HOXD13: variants seen among roughly 807,000 people sequenced by gnomAD.
HOXD13 encodes the protein homeobox protein Hox-D13.
A neutral mutation model predicts 27.3 loss-of-function variants in HOXD13; 16 were observed. That is an observed-to-expected ratio of 0.59 (90% CI 0.40 to 0.89). HOXD13 has a LOEUF of 0.89. HOXD13 is among the 40% of genes least tolerant of loss of function. HOXD13 has a pLI of 0.00. For synonymous variants in HOXD13, 241 were observed against 219.0 expected, an observed-to-expected ratio of 1.10 and a Z score of -0.89; for missense variants, 481 against 482.6, an observed-to-expected ratio of 1.00 and a Z score of 0.03.
chr2:176,088,296 C>T (rs1161959442), upstream of HOXD13, among the ~76,000 whole-genome samples: 1 of 152,250 alleles, frequency 6.6e-6, no homozygotes, highest in African/African-American at 2.4e-5. Flanking sequence ...TCTGTCCCTT[C>T]CGGGTCTCTC....
chr2:176,092,965 T>TTCCTCC lies in HOXD13; in HGVS notation c.81_86dup (p.Ser29_Ser30dup). ...GGGGCGCCGGTGGCGCCCCGGCCTCTTCCTCCTCCTCATCGGTGGCGGCGG... is the reference window on the plus strand; with the variant it reads ...GGGGCGCCGGTGGCGCCCCGGCCTCTTCCTCCTCCTCCTCCTCATCGGTGGCGGCGG... On this transcript the variant is annotated inframe_insertion, in exon 1 of 2. Coordinates refer to ENST00000392539, the MANE Select transcript of HOXD13 (RefSeq NM_000523.4). 1 of 1,340,484 alleles carries TTCCTCC rather than the reference T, an allele frequency of 7.5e-7. No individual in the cohort carries two copies. The highest frequency in any genetic ancestry group is 9.5e-7 in the Non-Finnish European group (1 of 1,049,104). The allele number at this position is 1,340,484 out of a possible 1,614,324, so 83.0% of individuals were successfully genotyped here. A position where few individuals can be genotyped will look rare whatever the true frequency, so the allele number is the denominator to read the frequency against.
intron 1 of HOXD13, among the ~76,000 whole-genome samples, 194 bp downstream of exon 1, chr2:176,093,865 C>A (rs767977312): frequency 3.9e-5 from 6 of 152,202 alleles, no homozygotes; most frequent in Non-Finnish European, 8.8e-5. Flanking sequence ...TCAACTGCCT[C>A]CGTCACTGCC....
upstream of HOXD13, among the ~76,000 whole-genome samples, chr2:176,092,080 A>T (rs1404849713): frequency 2.6e-5 from 4 of 152,124 alleles, no homozygotes; most frequent in Admixed American, 6.5e-5. Context: ...GCCAGCCCCA[A>T]GGGCGCTTCA....
chr2:176,088,960 G>A (rs925383996), upstream of HOXD13, among the ~76,000 whole-genome samples: 2 of 152,236 alleles, frequency 1.3e-5, no homozygotes, highest in African/African-American at 2.4e-5. Context: ...GGCTGGAGAA[G>A]TTCTCTCCAT....
upstream of HOXD13, among the ~76,000 whole-genome samples, chr2:176,089,337 C>A (rs572724114): frequency 6.6e-6 from 1 of 152,334 alleles, no homozygotes; most frequent in Admixed American, 6.5e-5. Flanking sequence ...GCCACTTCTG[C>A]TAGACTTAAG....
At position 176,093,124 on chromosome 2, in the gene HOXD13, G is replaced by T; in HGVS notation, c.234G>T (p.Gly78=). The change falls in exon 1 of 2, where the codon GGG becomes GGT. Residue 78 remains glycine, a synonymous_variant. Transcript: ENST00000392539. ...AAAASGFAYP[G]TSERTGSSSS... ...CAGCCTCCGGCTTTGCGTACCCCGG[G>T]ACCTCTGAGCGCACGGGCTCTTCCT... 6.2e-7 allele frequency: 1 copy of T among 1,602,438 alleles called. No individual in the cohort carries two copies.
At chr2:176,090,496 C>T (rs549053300), upstream of HOXD13, among the ~76,000 whole-genome samples, 1 of 152,184 alleles carries the variant, frequency 6.6e-6, no homozygotes, top group Non-Finnish European at 1.5e-5. Flanking sequence ...TTGAAATCAA[C>T]AAAACTTGAC....
upstream of HOXD13, among the ~76,000 whole-genome samples, chr2:176,091,145 A>G (rs1235275545): frequency 6.6e-6 from 1 of 152,102 alleles, no homozygotes; most frequent in Admixed American, 6.5e-5. Flanking sequence ...AACACTCCTA[A>G]CACCAGCAGC....
upstream of HOXD13, among the ~76,000 whole-genome samples, chr2:176,089,930 C>T (rs1009193020): frequency 6.6e-6 from 1 of 152,254 alleles, no homozygotes; most frequent in African/African-American, 2.4e-5. Flanking sequence ...CACACAAACA[C>T]AAGGCTTGGT....
chr2:176,088,670 GTA>G (rs1689278819), upstream of HOXD13, among the ~76,000 whole-genome samples: 2 of 152,194 alleles, frequency 1.3e-5, no homozygotes, highest in African/African-American at 4.8e-5. Flanking sequence ...AGATAGGTAG[GTA>G]GACAGACATT....
At position 176,093,589 on chromosome 2, in the gene HOXD13, G is replaced by T; in HGVS notation, c.699G>T (p.Thr233=). 1.2e-6 allele frequency: 2 copies of T among 1,613,788 alleles called. No individual in the cohort carries two copies. The highest frequency in any genetic ancestry group is 1.7e-6 in the Non-Finnish European group (2 of 1,179,970). ...YISMEGYQSW[T]LANGWNSQVY... is the part of the protein sequence containing the mutation. ...CCATGGAGGGGTACCAGTCCTGGAC[G>T]CTGGCTAACGGGTGGAACAGCCAGG... Residue 233 remains threonine, a synonymous_variant, in exon 1 of 2, where the codon ACG becomes ACT. Transcript: ENST00000392539.
chr2:176,088,648 T>A, upstream of HOXD13, among the ~76,000 whole-genome samples: 1 of 152,188 alleles, frequency 6.6e-6, no homozygotes, highest in Non-Finnish European at 1.5e-5. Flanking sequence ...GACAATGGAC[T>A]CTGCGGAATG....
chr2:176,088,516 C>T (rs903857485), upstream of HOXD13, among the ~76,000 whole-genome samples: 1 of 152,070 alleles, frequency 6.6e-6, no homozygotes, highest in Non-Finnish European at 1.5e-5. Flanking sequence ...GCCGCCGGGC[C>T]GGGAAGTGGA....
In HOXD13 at chr2:176,093,361, C is replaced by CT. The variant is rs1416882140; in HGVS notation, c.472dup (p.Ser158PhefsTer79). On this transcript the variant is annotated frameshift_variant, in exon 1 of 2. Transcript: ENST00000392539. LOFTEE classifies it high-confidence loss of function. ...ATGCGCTCAAGTCATCGCCGCACGC[C>CT]TCGCTGGGAGGCTTTCCCGTGGAGA... 1 of 1,613,862 alleles carries CT rather than the reference C, an allele frequency of 6.2e-7. No homozygotes were observed. The highest frequency in any genetic ancestry group is 8.5e-7 in the Non-Finnish European group (1 of 1,180,040).
chr2:176,095,055 C>T lies in HOXD13; in HGVS notation c.*325C>T, dbSNP rs1037382814. 8.0e-6 allele frequency: 3 copies of T among 375,742 alleles called. No individual in the cohort carries two copies. The highest frequency in any genetic ancestry group is 1.5e-5 in the Non-Finnish European group (3 of 204,170). The allele number at this position is 375,742 out of a possible 1,614,324, so 23.3% of individuals were successfully genotyped here. A position where few individuals can be genotyped will look rare whatever the true frequency, so the allele number is the denominator to read the frequency against. ...TTTTAATAATCCGCCCCCCAATGAA[C>T]TTCAGAAGTGCCATTCTGATTTAAG... is the stretch of plus-strand genomic sequence containing the variant. On this transcript the variant is annotated 3_prime_UTR_variant, in exon 2 of 2. Transcript: ENST00000392539.
At chr2:176,088,590 C>G (rs778579041), upstream of HOXD13, among the ~76,000 whole-genome samples, 1 of 152,224 alleles carries the variant, frequency 6.6e-6, no homozygotes, top group Non-Finnish European at 1.5e-5. Context: ...CTTTCCTCAC[C>G]TTCATCCCTT....
At position 176,095,071 on chromosome 2, in the gene HOXD13, C is replaced by A. The variant is rs1163709563; in HGVS notation, c.*341C>A. The A allele has an allele frequency of 1.9e-5, 7 of 366,068 alleles. No individual in the cohort carries two copies. The highest frequency in any genetic ancestry group is 4.5e-5 in the Admixed American group (1 of 22,232). The allele number at this position is 366,068 out of a possible 1,614,324, so 22.7% of individuals were successfully genotyped here. A position where few individuals can be genotyped will look rare whatever the true frequency, so the allele number is the denominator to read the frequency against. On this transcript the variant is annotated 3_prime_UTR_variant, in exon 2 of 2. Transcript: ENST00000392539. ...CCCAATGAACTTCAGAAGTGCCATTCTGATTTAAGGGTTTTTTTAAAAAAT... is the reference window on the plus strand; with the variant it reads ...CCCAATGAACTTCAGAAGTGCCATTATGATTTAAGGGTTTTTTTAAAAAAT...
In HOXD13 at chr2:176,093,273, G is replaced by A. The variant is rs1248811842; in HGVS notation, c.383G>A (p.Gly128Asp). The A allele has an allele frequency of 3.7e-6, 6 of 1,611,332 alleles. No homozygotes were observed. The highest frequency in any genetic ancestry group is 4.5e-5 in the East Asian group (2 of 44,858). ...APPSAPALGY[G>D]YHFGNGYYSC... The stretch of plus-strand genomic sequence containing the variant: ...CCGAGCGCTCCAGCGCTGGGCTACG[G>A]CTACCACTTCGGCAACGGCTACTAC... The change falls in exon 1 of 2, where the codon GGC becomes GAC. Residue 128 changes from glycine (G) to aspartate (D), a missense_variant. Coordinates refer to ENST00000392539, the MANE Select transcript of HOXD13 (RefSeq NM_000523.4).
chr2:176,089,524 A>G (rs1281872722), upstream of HOXD13, among the ~76,000 whole-genome samples: 2 of 152,170 alleles, frequency 1.3e-5, no homozygotes, highest in Non-Finnish European at 2.9e-5. Flanking sequence ...GCCACTGATT[A>G]TGTGGTTAAT....
Sources: allele counts gnomAD v4.1 joint callset (sites outside exome capture counted in the v4.1 genomes callset), GRCh38; gene constraint gnomAD v4.1.1; transcripts MANE v1.5; gene names NCBI Gene and HGNC (gene_info 2026-07-23, HGNC 2026-07-21).